The following PTPRD variants were observed in gnomAD, a reference collection of about 807,000 sequenced individuals.
PTPRD encodes the protein receptor-type tyrosine-protein phosphatase delta.
A neutral mutation model predicts 214.5 loss-of-function variants in PTPRD; 34 were observed. The observed-to-expected ratio is 0.16, with a 90% CI of 0.12 to 0.21. The LOEUF (loss-of-function observed/expected upper bound fraction) is 0.21. PTPRD is among the 10% of genes least tolerant of loss of function. The probability of loss-of-function intolerance (pLI) is 1.00; values close to 1 mark genes in which losing one functional copy is unlikely to be tolerated. For synonymous variants in PTPRD, 1,128 were observed against 845.7 expected (o/e 1.33, Z -5.79); for missense variants, 2,545 against 2,398.7 (o/e 1.06, Z -1.27).
At chr9:9,967,598 A>C (rs2094794514) in intron 4 of PTPRD, among the ~76,000 whole-genome samples, 1 of 152,214 alleles carries the variant, frequency 6.6e-6, no homozygotes, top group East Asian at 1.9e-4. Context: ...GATGAGGAAC[A>C]TGAGGTTCAT....
intron 2 of PTPRD, among the ~76,000 whole-genome samples, chr9:10,426,028 A>G (rs2098610728): frequency 6.6e-6 from 1 of 151,878 alleles, no homozygotes; most frequent in Non-Finnish European, 1.5e-5. Context: ...TATAAATACC[A>G]CTCTATAAAA....
In PTPRD at chr9:8,891,551, G is replaced by A. The variant is rs190761060; in HGVS notation, c.-104+127146C>T. 1.3e-4 allele frequency among the ~76,000 whole-genome samples: 19 copies of A among 151,822 alleles called. No homozygotes were observed. In the East Asian group the frequency reaches 2.9e-3, roughly 23 times the overall value. Reference sequence around the variant, plus strand: ...TTTGTTATATGCACAAGTTAGCAGCGTACAATTTGATACAAAATTAGCAAC... The same window carrying A: ...TTTGTTATATGCACAAGTTAGCAGCATACAATTTGATACAAAATTAGCAAC... On this transcript the variant is annotated intron_variant, in intron 11 of 45. Coordinates refer to ENST00000381196, the MANE Select transcript of PTPRD (RefSeq NM_002839.4).
chr9:10,081,177 T>C (rs1211852789), intron 3 of PTPRD, among the ~76,000 whole-genome samples: 2 of 152,106 alleles, frequency 1.3e-5, no homozygotes, highest in Non-Finnish European at 2.9e-5. Context: ...AATTCTTAAA[T>C]TCACAGACAT....
chr9:9,133,815 A>G (rs1188798198), intron 10 of PTPRD, among the ~76,000 whole-genome samples: 1 of 152,206 alleles, frequency 6.6e-6, no homozygotes, highest in South Asian at 2.1e-4. Context: ...GTGCACATGT[A>G]GAATGAGAAA....
At chr9:10,374,342 G>C (rs1283947760) in intron 2 of PTPRD, among the ~76,000 whole-genome samples, 4 of 152,028 alleles carry the variant, frequency 2.6e-5, no homozygotes, top group Admixed American at 2.0e-4. Flanking sequence ...GCATTATCTA[G>C]GGGTTAAATG....
At chr9:9,535,358 T>C (rs1670923643) in intron 8 of PTPRD, among the ~76,000 whole-genome samples, 1 of 152,122 alleles carries the variant, frequency 6.6e-6, no homozygotes, top group African/African-American at 2.4e-5. Flanking sequence ...CTTGATCAAG[T>C]GCTCTGAAAA....
intron 11 of PTPRD, among the ~76,000 whole-genome samples, chr9:8,892,330 T>C (rs1168215414): frequency 6.6e-6 from 1 of 152,068 alleles, no homozygotes; most frequent in African/African-American, 2.4e-5. Context: ...CCTTTCTTCA[T>C]CATCACAGAC....
At chr9:10,193,408 AAAG>A (rs2099383041) in intron 3 of PTPRD, among the ~76,000 whole-genome samples, 1 of 152,102 alleles carries the variant, frequency 6.6e-6, no homozygotes, top group Non-Finnish European at 1.5e-5. Flanking sequence ...AGGATCTAGT[AAAG>A]AAGTACAGAC....
chr9:9,915,012 T>A (rs73643817), intron 5 of PTPRD, among the ~76,000 whole-genome samples: 23,213 of 152,160 alleles, frequency 0.15, 1,789 homozygotes, highest in Middle Eastern at 0.2. Context: ...TGCACACATA[T>A]GCCCCTGACC....
At position 10,377,079 on chromosome 9, in the gene PTPRD, C is replaced by A. The variant is rs141920454; in HGVS notation, c.-599-36062G>T. Among the ~76,000 whole-genome samples the A allele has an allele frequency of 1.1e-3, 164 of 151,954 alleles. 3 individuals are homozygous for A. The East Asian group carries it at 0.027, about 25-fold the overall frequency. On this transcript the variant is annotated intron_variant, in intron 2 of 45. Transcript: ENST00000381196. The stretch of plus-strand genomic sequence containing the variant: ...TATTACCCTTTCCAGCCGCTGGTAA[C>A]CATCCTTCTACTATCCATGGCTGTA...
chr9:8,870,714 A>ACACACACACACACACACACACG lies in PTPRD; in HGVS notation c.-103-136769_-103-136768insCGTGTGTGTGTGTGTGTGTGTG, dbSNP rs1555457922. 1.6e-3 allele frequency among the ~76,000 whole-genome samples: 247 copies of ACACACACACACACACACACACG among 150,070 alleles called. 2 individuals are homozygous for ACACACACACACACACACACACG. Among genetic ancestry groups the ACACACACACACACACACACACG allele is most frequent in the Admixed American group, 8.9e-3 (134 of 14,990 alleles). On this transcript the variant is annotated intron_variant, in intron 11 of 45. Coordinates refer to ENST00000381196, the MANE Select transcript of PTPRD (RefSeq NM_002839.4). Reference sequence around the variant, plus strand: ...CACACACACACACACACACACACACACACACACACACACACGGGAGTTCAG... The same window carrying ACACACACACACACACACACACG: ...CACACACACACACACACACACACACACACACACACACACACACACACGCACACACACACACACGGGAGTTCAG...
At chr9:9,636,132 G>C (rs144056216) in intron 7 of PTPRD, among the ~76,000 whole-genome samples, 2 of 152,090 alleles carry the variant, frequency 1.3e-5, no homozygotes, top group East Asian at 1.9e-4. Flanking sequence ...TATTTTTCAC[G>C]TGTTCTTCTC....
chr9:8,527,113 A>G (rs2074373036), intron 16 of PTPRD, among the ~76,000 whole-genome samples: 1 of 151,880 alleles, frequency 6.6e-6, no homozygotes, highest in Admixed American at 6.6e-5. Context: ...GATATCTTAT[A>G]CTACTTGCTA....
intron 5 of PTPRD, among the ~76,000 whole-genome samples, chr9:9,828,568 G>T (rs868125377): frequency 6.6e-6 from 1 of 152,148 alleles, no homozygotes. Context: ...AACTTAATGG[G>T]TGAAGCACAC....
intron 5 of PTPRD, among the ~76,000 whole-genome samples, chr9:9,832,909 T>C (rs1347979693): frequency 6.6e-6 from 1 of 150,884 alleles, no homozygotes; most frequent in Admixed American, 6.6e-5. Flanking sequence ...TTTTTTCCCA[T>C]ATGAGAGAGG....
In PTPRD at chr9:9,755,778, T is replaced by C. The variant is rs941859615; in HGVS notation, c.-326+11032A>G. On this transcript the variant is annotated intron_variant, in intron 6 of 45. Coordinates refer to ENST00000381196, the MANE Select transcript of PTPRD (RefSeq NM_002839.4). ...ATTACTGCTCTCATTTTGGTAAAAA[T>C]TCATTTAGACTTACTTACTCATTGT... Among the ~76,000 whole-genome samples, 2 of 152,144 alleles carry C rather than the reference T, an allele frequency of 1.3e-5. 1 individual carries two copies. The highest frequency in any genetic ancestry group is 4.1e-4 in the South Asian group (2 of 4,834).
At chr9:8,701,173 G>C (rs1261046245) in intron 12 of PTPRD, among the ~76,000 whole-genome samples, 1 of 151,584 alleles carries the variant, frequency 6.6e-6, no homozygotes, top group Non-Finnish European at 1.5e-5. Context: ...AAAAAAGAAA[G>C]TTAAATTTTT....
chr9:10,250,699 A>G (rs1279626759), intron 3 of PTPRD, among the ~76,000 whole-genome samples: 1 of 152,080 alleles, frequency 6.6e-6, no homozygotes, highest in African/African-American at 2.4e-5. Context: ...CTGGAACTAT[A>G]GGCTATATGT....
intron 5 of PTPRD, among the ~76,000 whole-genome samples, chr9:9,916,788 T>A (rs1016345829): frequency 2.0e-5 from 3 of 152,010 alleles, no homozygotes; most frequent in African/African-American, 7.2e-5. Context: ...ATTCTGCACA[T>A]CAGCACATGG....
Sources: allele counts gnomAD v4.1 joint callset (sites outside exome capture counted in the v4.1 genomes callset), GRCh38; gene constraint gnomAD v4.1.1; transcripts MANE v1.5; gene names NCBI Gene and HGNC (gene_info 2026-07-23, HGNC 2026-07-21).